The following SP3 variants were observed in gnomAD, a reference collection of about 807,000 sequenced individuals.
SP3 encodes the protein Sp3 transcription factor, also known as transcription factor Sp3.
SP3 carries 10 observed loss-of-function variants against 70.3 expected under a neutral mutation model. That is an observed-to-expected ratio of 0.14 (90% CI 0.09 to 0.24). SP3 has a LOEUF of 0.24. Among genes scored for constraint, SP3 ranks in the 10% least tolerant of loss-of-function variants. The probability of loss-of-function intolerance (pLI) is 1.00; values close to 1 mark genes in which losing one functional copy is unlikely to be tolerated. For missense variants in SP3, 825 were observed against 914.6 expected (o/e 0.90, Z 1.26); for synonymous variants, 402 against 333.5 (o/e 1.21, Z -2.24).
Position 173,913,065 on chromosome 2 carries a change from G to A in SP3, c.2029+5C>T. On this transcript the variant is annotated splice_donor_5th_base_variant and intron_variant, in intron 6 of 6. Coordinates refer to ENST00000310015, the MANE Select transcript of SP3 (RefSeq NM_003111.5). ...TTTTGTCTGTTAAAAGTAAGTATTA[G>A]TAACCTGTATGTGTTCTTCTGTGCC... 2 of 1,586,918 alleles carry A rather than the reference G, an allele frequency of 1.3e-6. No homozygotes were observed. The highest frequency in any genetic ancestry group is 1.7e-6 in the Non-Finnish European group (2 of 1,163,956).
At position 173,963,893 on chromosome 2, in the gene SP3, A is replaced by G. The variant is rs954716813; in HGVS notation, c.157-10T>C. The G allele has an allele frequency of 5.5e-6, 8 of 1,464,552 alleles. No homozygotes were observed. Among genetic ancestry groups the G allele is most frequent in the Admixed American group, 2.2e-5 (1 of 44,980 alleles). The allele number at this position is 1,464,552 out of a possible 1,614,324, so 90.7% of individuals were successfully genotyped here. A position where few individuals can be genotyped will look rare whatever the true frequency, so the allele number is the denominator to read the frequency against. ...GTGACGGCTGAGTGTCCTACCCCCA[A>G]TGGGCGGGTTCAGAGAGGGAGACAG... On this transcript the variant is annotated splice_polypyrimidine_tract_variant and intron_variant, in intron 2 of 6. Coordinates refer to ENST00000310015, the MANE Select transcript of SP3 (RefSeq NM_003111.5).
chr2:173,930,348 C>A (rs1690034317), intron 4 of SP3, among the ~76,000 whole-genome samples: 1 of 152,048 alleles, frequency 6.6e-6, no homozygotes. Context: ...GGGAGGATTG[C>A]TTGAGCCCAG....
In SP3 at chr2:173,919,455, C is replaced by G. The variant is rs1436614198; in HGVS notation, c.1640-670G>C. Among the ~76,000 whole-genome samples, 3 of 152,254 alleles carry G rather than the reference C, an allele frequency of 2.0e-5. 1 individual carries two copies. Among genetic ancestry groups the G allele is most frequent in the African/African-American group, 7.2e-5 (3 of 41,562 alleles). On this transcript the variant is annotated intron_variant, in intron 4 of 6. Transcript: ENST00000310015. Reference sequence around the variant, plus strand: ...CTTAAGTTTACATCTTCCTTGGTATCTCAGTATAGATGACAGGAAAACACT... The same window carrying G: ...CTTAAGTTTACATCTTCCTTGGTATGTCAGTATAGATGACAGGAAAACACT...
chr2:173,900,810 T>C lies in SP3; in HGVS notation c.*9131A>G, dbSNP rs967734877. Among the ~76,000 whole-genome samples, 4 of 152,210 alleles carry C rather than the reference T, an allele frequency of 2.6e-5. No homozygotes were observed. Among genetic ancestry groups the C allele is most frequent in the Non-Finnish European group, 5.9e-5 (4 of 68,028 alleles). On this transcript the variant is annotated 3_prime_UTR_variant, in exon 7 of 7. Transcript: ENST00000310015. ...GACAATAATTTATTTTTAAAAACCA[T>C]TAAAGACTTGAATTAATGGAGAGAT...
At chr2:173,963,190 C>G (rs1356970396) in intron 3 of SP3, 2 of 152,104 alleles carry the variant, frequency 1.3e-5, no homozygotes, top group Non-Finnish European at 2.9e-5. Context: ...AAAGTCACTG[C>G]AAATTTTAGT....
At chr2:173,918,820 G>A (rs1689675833) in intron 4 of SP3, 35 bp from the exon 5 acceptor site, 3 of 1,556,960 alleles carry the variant, frequency 1.9e-6, no homozygotes, top group South Asian at 2.4e-5. Flanking sequence ...CAGATGAGAA[G>A]CAACCAAATG....
At position 173,906,527 on chromosome 2, in the gene SP3, T is replaced by C. The variant is rs1219655871; in HGVS notation, c.*3414A>G. ...ACAAAAACGATTGTTACCAGCTTCA[T>C]ATAATTAAAACTGAAAACCAAATTG... On this transcript the variant is annotated 3_prime_UTR_variant, in exon 7 of 7. Coordinates refer to ENST00000310015, the MANE Select transcript of SP3 (RefSeq NM_003111.5). 6.6e-6 allele frequency: 1 copy of C among 152,232 alleles called. No homozygotes were observed. The highest frequency in any genetic ancestry group is 1.5e-5 in the Non-Finnish European group (1 of 68,034). The allele number at this position is 152,232 out of a possible 1,614,324, so 9.4% of individuals were successfully genotyped here.
rs535672358 is a variant in SP3 at position 173,954,760 on chromosome 2, A to G, written c.1639+113T>C. The G allele has an allele frequency of 3.3e-6, 3 of 904,728 alleles. No homozygotes were observed. In the African/African-American group the frequency reaches 5.0e-5, roughly 15 times the overall value. 56.0% of individuals were successfully genotyped at this position (904,728 alleles called of 1,614,324 possible). ...CATACAAACATATTTTCATACAAAC[A>G]TTGATCATTAATTCTAATGTGAGTC... On this transcript the variant is annotated intron_variant, in intron 4 of 6. Coordinates refer to ENST00000310015, the MANE Select transcript of SP3 (RefSeq NM_003111.5).
chr2:173,962,606 T>C (rs930922080), intron 3 of SP3, among the ~76,000 whole-genome samples: 1 of 151,982 alleles, frequency 6.6e-6, no homozygotes, highest in Non-Finnish European at 1.5e-5. Flanking sequence ...GCACTAAAAT[T>C]ACAAATTATT....
At chr2:173,929,834 A>G (rs888130382) in intron 4 of SP3, among the ~76,000 whole-genome samples, 1 of 152,188 alleles carries the variant, frequency 6.6e-6, no homozygotes, top group Admixed American at 6.5e-5. Context: ...AGAGAGCAAG[A>G]TCATTATGTA....
Position 173,964,553 on chromosome 2 carries a change from G to C in SP3, c.8C>G (p.Ala3Gly). 1.5e-6 allele frequency: 1 copy of C among 685,888 alleles called. No homozygotes were observed. Among genetic ancestry groups the C allele is most frequent in the Non-Finnish European group, 2.7e-6 (1 of 369,348 alleles). The allele number at this position is 685,888 out of a possible 1,614,324, so 42.5% of individuals were successfully genotyped here. MTAPEKPVKQEEM... is the reference protein window; with the variant it reads MTGPEKPVKQEEM... ...CTCTTGTTTCACGGGCTTTTCGGGA[G>C]CTGCAGGCACAGCGCGGGGGGGTGG... Residue 3 changes from alanine (A) to glycine (G), a missense_variant and splice_region_variant, in exon 2 of 7, where the codon GCT (alanine) becomes GGT (glycine). Ala to Gly is a moderately conservative substitution (Grantham distance 60). Around this residue, in one of 4 missense-constraint regions of SP3, gnomAD observed 678 missense variants for 651.6 expected, o/e 1.04. Coordinates refer to ENST00000310015, the MANE Select transcript of SP3 (RefSeq NM_003111.5).
chr2:173,963,659 G>C, intron 3 of SP3, 102 bp downstream of exon 3: 2 of 273,152 alleles, frequency 7.3e-6, no homozygotes, highest in Non-Finnish European at 1.1e-5. Flanking sequence ...GTGCGGGTCG[G>C]GGGAAGCGCG....
At chr2:173,951,005 T>C (rs889183277) in intron 4 of SP3, among the ~76,000 whole-genome samples, 2 of 152,234 alleles carry the variant, frequency 1.3e-5, no homozygotes, top group African/African-American at 4.8e-5. Context: ...TTACCCTTCC[T>C]GGGCAACATT....
At chr2:173,940,694 C>T (rs1290001060) in intron 4 of SP3, among the ~76,000 whole-genome samples, 1 of 152,200 alleles carries the variant, frequency 6.6e-6, no homozygotes, top group African/African-American at 2.4e-5. Context: ...ATTATTCAAG[C>T]AGGCACCCAG....
intron 6 of SP3, among the ~76,000 whole-genome samples, chr2:173,911,070 T>C (rs73028215): frequency 0.041 from 6,241 of 152,252 alleles, 197 homozygotes; most frequent in Admixed American, 0.1. Context: ...ATGTCTTAGC[T>C]TGTATCCTTT....
chr2:173,927,546 G>A (rs1015606573), intron 4 of SP3, among the ~76,000 whole-genome samples: 1 of 151,982 alleles, frequency 6.6e-6, no homozygotes, highest in Admixed American at 6.6e-5. Context: ...CCAAAGTGCT[G>A]GGATTACAGG....
chr2:173,918,382 A>T (rs568041481), intron 5 of SP3, among the ~76,000 whole-genome samples: 2 of 152,250 alleles, frequency 1.3e-5, no homozygotes, highest in East Asian at 3.9e-4. Context: ...TTTTTGAAAC[A>T]GCAAACTAAT....
At chr2:173,913,652 A>G (rs1228089245) in intron 5 of SP3, 1 of 153,608 alleles carries the variant, frequency 6.5e-6, no homozygotes, top group Admixed American at 6.5e-5. Flanking sequence ...TCTGTATTCA[A>G]AAGTCGTCAG....
chr2:173,933,645 T>C (rs28647706), intron 4 of SP3, among the ~76,000 whole-genome samples: 3,814 of 129,836 alleles, frequency 0.029, 141 homozygotes, highest in Admixed American at 0.094. Flanking sequence ...ACTTTATATA[T>C]ATATATATAT....
Sources: gnomAD v4.1 joint callset for allele counts (sites outside exome capture counted in the v4.1 genomes callset) on GRCh38, gnomAD v4.1.1 for gene constraint, gnomAD v4.1.1 regional missense constraint, MANE v1.5 for transcripts, NCBI Gene and HGNC (gene_info 2026-07-23, HGNC 2026-07-21) for gene names.